Variants in SLC4A10 observed in about 807,000 individuals in gnomAD.
SLC4A10 encodes sodium-driven chloride bicarbonate exchanger.
Under a neutral mutation model 137.7 loss-of-function variants are expected in SLC4A10, and 42 were observed. That is an observed-to-expected ratio of 0.30 (90% CI 0.24 to 0.39). SLC4A10 has a LOEUF of 0.39. Ranked by LOEUF, SLC4A10 falls within the 10% of genes least tolerant of loss-of-function variation. The pLI is 1.00. For missense variants in SLC4A10, 925 were observed against 1,355.0 expected (o/e 0.68, Z 4.98); for synonymous variants, 474 against 464.1 (o/e 1.02, Z -0.27).
intron 9 of SLC4A10, among the ~76,000 whole-genome samples, chr2:161,880,934 C>T (rs772331763): frequency 6.6e-6 from 1 of 151,942 alleles, no homozygotes. Context: ...GTTATATACC[C>T]TTACTGTGAA....
intron 1 of SLC4A10, among the ~76,000 whole-genome samples, chr2:161,629,184 G>A (rs1428838767): frequency 2.6e-5 from 4 of 151,868 alleles, no homozygotes; most frequent in Non-Finnish European, 5.9e-5. Context: ...TTGACTTCCT[G>A]TGAGGACACC....
chr2:161,685,456 A>C (rs1429707742), intron 1 of SLC4A10, among the ~76,000 whole-genome samples: 1 of 152,056 alleles, frequency 6.6e-6, no homozygotes, highest in Admixed American at 6.6e-5. Flanking sequence ...AAATACAAAA[A>C]AATTAGCTGG....
chr2:161,679,298 A>G (rs2105841267), intron 1 of SLC4A10, among the ~76,000 whole-genome samples: 1 of 152,280 alleles, frequency 6.6e-6, no homozygotes, highest in South Asian at 2.1e-4. Context: ...GTCTAAGGTA[A>G]TAAATCATAT....
chr2:161,646,433 A>C (rs1439913648), intron 1 of SLC4A10, among the ~76,000 whole-genome samples: 1 of 152,000 alleles, frequency 6.6e-6, no homozygotes, highest in Non-Finnish European at 1.5e-5. Flanking sequence ...CAATGCAAAA[A>C]TTTCTCTCTA....
chr2:161,771,898 G>C (rs2051661777), intron 2 of SLC4A10, among the ~76,000 whole-genome samples: 1 of 151,802 alleles, frequency 6.6e-6, no homozygotes, highest in Non-Finnish European at 1.5e-5. Flanking sequence ...CAAGTCATCA[G>C]AGAGAGCTCC....
At chr2:161,811,044 A>G (rs1015618320) in intron 3 of SLC4A10, among the ~76,000 whole-genome samples, 1 of 151,944 alleles carries the variant, frequency 6.6e-6, no homozygotes, top group Non-Finnish European at 1.5e-5. Context: ...ATTCAATTTC[A>G]GAACTTGTTA....
intron 26 of SLC4A10, among the ~76,000 whole-genome samples, chr2:161,981,154 T>C (rs1700166216): frequency 6.6e-6 from 1 of 152,268 alleles, no homozygotes; most frequent in African/African-American, 2.4e-5. Context: ...AAGTTGATAT[T>C]ATGAATCTTT....
Position 161,879,127 on chromosome 2 carries a change from G to T in SLC4A10, c.949-4G>T. On this transcript the variant is annotated splice_polypyrimidine_tract_variant and splice_region_variant and intron_variant, in intron 8 of 26. Transcript: ENST00000446997. ...TTATCATATTTACCTGGTGATGCTT[G>T]CAGGTTGATCTGCATTTTATGAAAA... 1 of 1,612,424 alleles carries T rather than the reference G, an allele frequency of 6.2e-7. No homozygotes were observed. Among genetic ancestry groups the T allele is most frequent in the Non-Finnish European group, 8.5e-7 (1 of 1,178,996 alleles).
chr2:161,825,257 T>C (rs1258732971), intron 3 of SLC4A10, among the ~76,000 whole-genome samples: 1 of 152,098 alleles, frequency 6.6e-6, no homozygotes, highest in African/African-American at 2.4e-5. Context: ...TCAACTGTAG[T>C]TGCTTTTTTT....
chr2:161,770,228 G>A (rs933988565), intron 1 of SLC4A10, among the ~76,000 whole-genome samples: 1 of 151,682 alleles, frequency 6.6e-6, no homozygotes, highest in African/African-American at 2.4e-5. Flanking sequence ...TCAGAATTTT[G>A]TATTTTGTCT....
chr2:161,801,377 T>C (rs1274735669), intron 2 of SLC4A10, among the ~76,000 whole-genome samples: 2 of 152,078 alleles, frequency 1.3e-5, no homozygotes, highest in Non-Finnish European at 2.9e-5. Flanking sequence ...ATATTTTTGC[T>C]CTTTACTATT....
At chr2:161,906,156 C>A (rs757974505) in intron 15 of SLC4A10, among the ~76,000 whole-genome samples, 13 of 152,106 alleles carry the variant, frequency 8.5e-5, no homozygotes, top group Non-Finnish European at 1.5e-4. Flanking sequence ...AGATAAGGAA[C>A]CAATTCCATT....
chr2:161,672,204 C>T (rs2039806142), intron 1 of SLC4A10, among the ~76,000 whole-genome samples: 2 of 152,034 alleles, frequency 1.3e-5, no homozygotes, highest in African/African-American at 4.8e-5. Flanking sequence ...AGCATAACAG[C>T]CCTGGTGATC....
At chr2:161,928,991 A>G (rs1248467667) in intron 15 of SLC4A10, among the ~76,000 whole-genome samples, 1 of 152,064 alleles carries the variant, frequency 6.6e-6, no homozygotes, top group East Asian at 1.9e-4. Flanking sequence ...TATTTTCTCT[A>G]TTTTATATTT....
chr2:161,863,672 A>G (rs1421659035), intron 6 of SLC4A10, among the ~76,000 whole-genome samples: 2 of 152,202 alleles, frequency 1.3e-5, no homozygotes, highest in East Asian at 3.8e-4. Context: ...AAACCAACAT[A>G]GATGACCACC....
At chr2:161,831,869 A>G (rs1012126542) in intron 3 of SLC4A10, among the ~76,000 whole-genome samples, 6 of 152,186 alleles carry the variant, frequency 3.9e-5, no homozygotes, top group African/African-American at 1.4e-4. Context: ...TGATCAGAAC[A>G]TGAAGATGGC....
At chr2:161,873,008 C>T (rs2061234781) in intron 7 of SLC4A10, among the ~76,000 whole-genome samples, 1 of 152,172 alleles carries the variant, frequency 6.6e-6, no homozygotes, top group Non-Finnish European at 1.5e-5. Flanking sequence ...GCCACCCCGC[C>T]CGGCCAAGTT....
intron 6 of SLC4A10, among the ~76,000 whole-genome samples, chr2:161,867,872 C>T (rs944015902): frequency 6.6e-6 from 1 of 151,862 alleles, no homozygotes; most frequent in Non-Finnish European, 1.5e-5. Context: ...CTGTCTCTAA[C>T]AGGCTCATCT....
At chr2:161,878,180 T>A (rs180855006) in intron 8 of SLC4A10, among the ~76,000 whole-genome samples, 75 of 152,276 alleles carry the variant, frequency 4.9e-4, no homozygotes, top group Non-Finnish European at 1.0e-3. Flanking sequence ...CTATTCTCAC[T>A]TTGATCTTTG....
Sources: allele counts gnomAD v4.1 joint callset (sites outside exome capture counted in the v4.1 genomes callset), GRCh38; gene constraint gnomAD v4.1.1; transcripts MANE v1.5; gene names NCBI Gene and HGNC (gene_info 2026-07-23, HGNC 2026-07-21).